BMAL2: variants seen among roughly 807,000 people sequenced by gnomAD.
The protein encoded by BMAL2 is basic helix-loop-helix ARNT-like protein 2.
chr12:27,370,143 CAGAAA>C, the BMAL2 span: 3 of 1,613,880 alleles, frequency 1.9e-6, no homozygotes, highest in Admixed American at 5.0e-5. Context: ...GGAATCATGA[CAGAAA>C]AAGTGGTGGA....
chr12:27,417,555 T>C, the BMAL2 span, among the ~76,000 whole-genome samples: 23 of 152,120 alleles, frequency 1.5e-4, no homozygotes. Context: ...TGATGTGTAA[T>C]ATAGCTGCCT....
chr12:27,414,336 T>C, the BMAL2 span, among the ~76,000 whole-genome samples: 1 of 152,138 alleles, frequency 6.6e-6, no homozygotes, highest in Non-Finnish European at 1.5e-5. Context: ...CTCCATCTGA[T>C]GGCAGCAGAA....
chr12:27,376,482 G>A, the BMAL2 span: 1 of 1,050,972 alleles, frequency 9.5e-7, no homozygotes, highest in Non-Finnish European at 1.4e-6. Flanking sequence ...AGGTAGAAGG[G>A]CTTGAAGATG....
At chr12:27,345,904 T>C in the BMAL2 span, among the ~76,000 whole-genome samples, 52 of 152,192 alleles carry the variant, frequency 3.4e-4, no homozygotes, top group Non-Finnish European at 6.3e-4. Flanking sequence ...TTTTAGTAAT[T>C]TTTATCTTTA....
At chr12:27,372,349 C>A in the BMAL2 span, among the ~76,000 whole-genome samples, 1 of 151,884 alleles carries the variant, frequency 6.6e-6, no homozygotes, top group African/African-American at 2.4e-5. Context: ...GAATTTCATT[C>A]CTGTTTATGG....
chr12:27,333,117 T>TGGCGA, the BMAL2 span: 1 of 1,204,802 alleles, frequency 8.3e-7, no homozygotes, highest in Non-Finnish European at 1.0e-6. Context: ...AGGTTGCCGG[T>TGGCGA]GGCGAGGCGA....
the BMAL2 span, among the ~76,000 whole-genome samples, chr12:27,349,490 T>C: frequency 6.6e-6 from 1 of 152,190 alleles, no homozygotes; most frequent in Admixed American, 6.5e-5. Flanking sequence ...ATTATAGTTC[T>C]GATTTAATCT....
the BMAL2 span, chr12:27,400,916 T>G: frequency 1.2e-6 from 1 of 831,992 alleles, no homozygotes. Context: ...AATAAGAATA[T>G]GGACATGTCA....
At chr12:27,387,752 C>T in the BMAL2 span, among the ~76,000 whole-genome samples, 1 of 152,200 alleles carries the variant, frequency 6.6e-6, no homozygotes, top group Non-Finnish European at 1.5e-5. Flanking sequence ...CTCTGAAATA[C>T]ATCTTTCATT....
the BMAL2 span, among the ~76,000 whole-genome samples, chr12:27,372,230 CA>C: frequency 7.2e-5 from 9 of 124,810 alleles, no homozygotes; most frequent in Non-Finnish European, 8.2e-5. Context: ...GACTCTATCT[CA>C]AAAAAAAAAA....
At chr12:27,340,039 C>T in the BMAL2 span, among the ~76,000 whole-genome samples, 7 of 151,948 alleles carry the variant, frequency 4.6e-5, no homozygotes, top group Admixed American at 3.9e-4. Context: ...TTCTGCCATT[C>T]TGTTGTAGGT....
At chr12:27,380,600 T>C in the BMAL2 span, among the ~76,000 whole-genome samples, 36 of 152,336 alleles carry the variant, frequency 2.4e-4, no homozygotes, top group East Asian at 4.6e-3. Flanking sequence ...AACTTGGTTC[T>C]GATAAAAGCT....
At chr12:27,409,142 T>C in the BMAL2 span, among the ~76,000 whole-genome samples, 1 of 152,098 alleles carries the variant, frequency 6.6e-6, no homozygotes, top group Non-Finnish European at 1.5e-5. Context: ...GTAGGAAGAA[T>C]CAATATCATG....
At chr12:27,351,093 A>T in the BMAL2 span, among the ~76,000 whole-genome samples, 1 of 149,824 alleles carries the variant, frequency 6.7e-6, no homozygotes, top group Non-Finnish European at 1.5e-5. Flanking sequence ...TGCTCAAGGG[A>T]TCCTCCTGCC....
At chr12:27,370,363 C>G in the BMAL2 span, 2 of 632,670 alleles carry the variant, frequency 3.2e-6, no homozygotes, top group Non-Finnish European at 5.5e-6. Context: ...TGCCCCAATC[C>G]TTCCTTTATC....
the BMAL2 span, chr12:27,403,617 G>T: frequency 4.6e-5 from 39 of 854,734 alleles, no homozygotes; most frequent in African/African-American, 4.8e-4. Context: ...AAAATCAGTA[G>T]CCTTCCTATA....
At chr12:27,398,376 G>A in the BMAL2 span, among the ~76,000 whole-genome samples, 4 of 152,160 alleles carry the variant, frequency 2.6e-5, no homozygotes, top group African/African-American at 9.7e-5. Flanking sequence ...AATCTAGCCT[G>A]TGGAGCCGAT....
At chr12:27,402,733 A>G in the BMAL2 span, 15 of 1,468,300 alleles carry the variant, frequency 1.0e-5, no homozygotes, top group South Asian at 4.8e-5. Context: ...TATTAAGACT[A>G]TTACTATCTT....
chr12:27,334,290 A>G, the BMAL2 span, among the ~76,000 whole-genome samples: 1 of 152,192 alleles, frequency 6.6e-6, no homozygotes, highest in African/African-American at 2.4e-5. Context: ...CACCCAGGTT[A>G]TTTGAAATCT....
Sources: allele counts gnomAD v4.1 joint callset (sites outside exome capture counted in the v4.1 genomes callset), GRCh38; gene constraint gnomAD v4.1.1; transcripts MANE v1.5; gene names NCBI Gene and HGNC (gene_info 2026-07-23, HGNC 2026-07-21).